The following NLGN4X variants were observed in gnomAD, a reference collection of about 807,000 sequenced individuals.
NLGN4X encodes neuroligin-4, X-linked.
In NLGN4X, 3 loss-of-function variants were observed where a neutral mutation model predicts 40.3. That is an observed-to-expected ratio of 0.07 (90% CI 0.03 to 0.19). The LOEUF (loss-of-function observed/expected upper bound fraction) is 0.19. Ranked by LOEUF, NLGN4X falls within the 10% of genes least tolerant of loss-of-function variation. The probability of loss-of-function intolerance (pLI) is 1.00; values close to 1 mark genes in which losing one functional copy is unlikely to be tolerated. For missense variants in NLGN4X, 382 were observed against 708.3 expected, an observed-to-expected ratio of 0.54 and a Z score of 5.23; for synonymous variants, 270 against 306.8, an observed-to-expected ratio of 0.88 and a Z score of 1.25.
chrX:5,917,469 T>C (rs2032855928), intron 3 of NLGN4X, among the ~76,000 whole-genome samples: 1 of 112,724 alleles, frequency 8.9e-6, no homozygotes, highest in Admixed American at 9.4e-5. Context: ...TTTGGAGTTA[T>C]TGCTTGCAGT....
At chrX:6,176,913 A>T (rs941380503) in intron 1 of NLGN4X, among the ~76,000 whole-genome samples, 1 of 111,830 alleles carries the variant, frequency 8.9e-6, no homozygotes, top group Non-Finnish European at 1.9e-5. Flanking sequence ...AGTGGTTGAG[A>T]CCAATGAGTT....
At chrX:5,935,459 G>A (rs1230295055) in intron 3 of NLGN4X, among the ~76,000 whole-genome samples, 1 of 112,444 alleles carries the variant, frequency 8.9e-6, no homozygotes, top group African/African-American at 3.2e-5. Flanking sequence ...TGGATTCAGT[G>A]CAGTGAATGC....
At chrX:5,958,811 G>A (rs1277477743) in intron 3 of NLGN4X, among the ~76,000 whole-genome samples, 2 of 112,166 alleles carry the variant, frequency 1.8e-5, no homozygotes, top group African/African-American at 6.5e-5. Flanking sequence ...ACAGGCTATC[G>A]CAGTTTTAAT....
intron 2 of NLGN4X, among the ~76,000 whole-genome samples, chrX:6,052,967 C>T (rs1402038792): frequency 8.9e-6 from 1 of 112,106 alleles, no homozygotes; most frequent in Non-Finnish European, 1.9e-5. Context: ...TTTTAATTTG[C>T]CTCCTTCCAC....
At chrX:5,967,207 C>T (rs2034859449) in intron 3 of NLGN4X, among the ~76,000 whole-genome samples, 1 of 111,849 alleles carries the variant, frequency 8.9e-6, no homozygotes, top group Non-Finnish European at 1.9e-5. Context: ...TTACTCCTTT[C>T]TTGTGCCTCT....
chrX:5,980,946 T>C (rs2035369249), intron 3 of NLGN4X, among the ~76,000 whole-genome samples: 2 of 111,873 alleles, frequency 1.8e-5, no homozygotes, highest in African/African-American at 3.2e-5. Context: ...AAAAGTCTAC[T>C]GTTATTTTAT....
In NLGN4X at chrX:6,038,890, T is replaced by G. The variant is rs185269517; in HGVS notation, c.473-9458A>C. Among the ~76,000 whole-genome samples the G allele has an allele frequency of 1.9e-4, 21 of 111,609 alleles. No individual in the cohort carries two copies. The East Asian group carries it at 5.9e-3, about 32-fold the overall frequency. On this transcript the variant is annotated intron_variant, in intron 2 of 5. Transcript: ENST00000381095. ...CTTAGAAAGGAGAACATCTGGGGGC[T>G]GAGTACCTGAAAATTAGTTTCTTTA...
chrX:6,154,413 A>T (rs944740711), intron 1 of NLGN4X, among the ~76,000 whole-genome samples: 6 of 111,151 alleles, frequency 5.4e-5, no homozygotes, highest in Non-Finnish European at 1.1e-4. Flanking sequence ...AGAAATGTTG[A>T]TATTGAAGAT....
Position 5,913,471 on chromosome X carries a change from C to T in NLGN4X, c.626-4232G>A, listed in dbSNP as rs1302829707. ...AAAACCAGAGATTTACAACAAATGG[C>T]TCCTTTAACTGACAGGTCCTTTAGG... On this transcript the variant is annotated intron_variant, in intron 3 of 5. Coordinates refer to ENST00000381095, the MANE Select transcript of NLGN4X (RefSeq NM_181332.3). Among the ~76,000 whole-genome samples, 6 of 111,798 alleles carry T rather than the reference C, an allele frequency of 5.4e-5. No individual in the cohort carries two copies. The East Asian group carries it at 8.5e-4, about 16-fold the overall frequency.
chrX:6,147,210 T>G (rs1382726456), intron 2 of NLGN4X, among the ~76,000 whole-genome samples: 2 of 111,953 alleles, frequency 1.8e-5, no homozygotes, highest in Non-Finnish European at 3.8e-5. Context: ...AAGATGTATG[T>G]CCAAGGATCC....
chrX:6,061,777 T>C (rs1025879572), intron 2 of NLGN4X: 2 of 112,045 alleles, frequency 1.8e-5, no homozygotes, highest in Admixed American at 9.5e-5. Flanking sequence ...TTACACCCAG[T>C]TGACTACCTC....
At chrX:6,088,114 C>A (rs760953552) in intron 2 of NLGN4X, among the ~76,000 whole-genome samples, 1 of 112,376 alleles carries the variant, frequency 8.9e-6, no homozygotes, top group East Asian at 2.8e-4. Context: ...AGGGAAAAGG[C>A]GGAAAATGGT....
intron 3 of NLGN4X, among the ~76,000 whole-genome samples, chrX:5,982,046 G>A (rs936581160): frequency 8.9e-6 from 1 of 111,812 alleles, no homozygotes. Flanking sequence ...AAACACTCAT[G>A]TTTATTTCTA....
chrX:5,955,944 C>T (rs930274014), intron 3 of NLGN4X, among the ~76,000 whole-genome samples: 2 of 109,282 alleles, frequency 1.8e-5, no homozygotes, highest in African/African-American at 6.6e-5. Flanking sequence ...CTTAAACAGT[C>T]AACACCATAA....
intron 2 of NLGN4X, among the ~76,000 whole-genome samples, chrX:6,137,227 A>T (rs1462338519): frequency 9.0e-6 from 1 of 111,630 alleles, no homozygotes; most frequent in African/African-American, 3.3e-5. Flanking sequence ...GAATCACTTC[A>T]ACGTTTGCTT....
chrX:6,184,746 CA>C (rs1182174015), intron 1 of NLGN4X, among the ~76,000 whole-genome samples: 1 of 112,348 alleles, frequency 8.9e-6, no homozygotes, highest in African/African-American at 3.2e-5. Flanking sequence ...GCCCAGAGCC[CA>C]AGATAACTTC....
chrX:5,943,429 T>C (rs977206653), intron 3 of NLGN4X, among the ~76,000 whole-genome samples: 1 of 111,631 alleles, frequency 9.0e-6, no homozygotes, highest in African/African-American at 3.3e-5. Flanking sequence ...TACTCACACT[T>C]CAGAGCTTCA....
At chrX:6,079,984 T>C (rs1163999214) in intron 2 of NLGN4X, among the ~76,000 whole-genome samples, 3 of 110,915 alleles carry the variant, frequency 2.7e-5, no homozygotes, top group Non-Finnish European at 5.7e-5. Flanking sequence ...ATGCTCTCTG[T>C]TTCCTGCCAT....
chrX:6,070,019 C>A (rs1463359674), intron 2 of NLGN4X, among the ~76,000 whole-genome samples: 1 of 111,572 alleles, frequency 9.0e-6, no homozygotes, highest in Non-Finnish European at 1.9e-5. Flanking sequence ...AGTTTAATTC[C>A]ATTGCAATGT....
Sources: allele counts gnomAD v4.1 joint callset (sites outside exome capture counted in the v4.1 genomes callset), GRCh38; gene constraint gnomAD v4.1.1; transcripts MANE v1.5; gene names NCBI Gene and HGNC (gene_info 2026-07-23, HGNC 2026-07-21).